The following RCL1 variants were observed in gnomAD, a reference collection of about 807,000 sequenced individuals.
RCL1 encodes the protein RNA 3'-terminal phosphate cyclase-like protein.
RCL1 carries 24 observed loss-of-function variants against 42.4 expected under a neutral mutation model. That is an observed-to-expected ratio of 0.57 (90% CI 0.41 to 0.80). The LOEUF is 0.80. Ranked by LOEUF, RCL1 falls within the 30% of genes least tolerant of loss-of-function variation. The pLI is 0.00. For missense variants in RCL1, 578 were observed against 467.9 expected (o/e 1.24, Z -2.17); for synonymous variants, 228 against 177.3 (o/e 1.29, Z -2.27).
At chr9:4,841,425 A>T in intron 6 of RCL1, 68 bp downstream of exon 6, 2 of 1,293,914 alleles carry the variant, frequency 1.5e-6, no homozygotes, top group Non-Finnish European at 1.1e-6. Flanking sequence ...TTGAAGTTAA[A>T]ACTGCCAGCT....
Position 4,844,600 on chromosome 9 carries a change from C to T in RCL1, c.786C>T (p.Asn262=). 6.2e-7 allele frequency: 1 copy of T among 1,613,982 alleles called. No homozygotes were observed. ...GTFLSAELAS[N]PQGQGAAVLP... ...TCCTCAGTGCTGAACTGGCCTCCAACCCCCAGGGCCAGGGAGCAGCAGTAC... is the reference window on the plus strand; with the variant it reads ...TCCTCAGTGCTGAACTGGCCTCCAATCCCCAGGGCCAGGGAGCAGCAGTAC... The change falls in exon 7 of 9, where the codon AAC becomes AAT. Residue 262 remains asparagine, a synonymous_variant. Transcript: ENST00000381750.
Position 4,793,151 on chromosome 9 carries a change from GGTCCT to G in RCL1, c.64_68del (p.Leu22TyrfsTer25). Reference sequence around the variant, plus strand: ...GGTGCAACTTCTTGCGCCAACGTCTGGTCCTGTCTACCCTGAGCGGGCGCCCCGTC... The same window carrying G: ...GGTGCAACTTCTTGCGCCAACGTCTGGTCTACCCTGAGCGGGCGCCCCGTC... On this transcript the variant is annotated frameshift_variant, in exon 1 of 9. Transcript: ENST00000381750. LOFTEE classifies it high-confidence loss of function. 1 of 1,612,478 alleles carries G rather than the reference GGTCCT, an allele frequency of 6.2e-7. No homozygotes were observed. Among genetic ancestry groups the G allele is most frequent in the Non-Finnish European group, 8.5e-7 (1 of 1,179,374 alleles).
At chr9:4,798,495 C>T (rs1318497820) in intron 1 of RCL1, among the ~76,000 whole-genome samples, 1 of 152,184 alleles carries the variant, frequency 6.6e-6, no homozygotes, top group Non-Finnish European at 1.5e-5. Context: ...CTCCATATGG[C>T]TTAAGCAGAT....
Position 4,857,285 on chromosome 9 carries a change from C to G in RCL1, c.972-2840C>G, listed in dbSNP as rs369349221. Among the ~76,000 whole-genome samples the G allele has an allele frequency of 6.6e-5, 10 of 152,280 alleles. No individual in the cohort carries two copies. The South Asian group carries it at 2.1e-3, about 32-fold the overall frequency. Reference sequence around the variant, plus strand: ...CCCACTCTCCCCAGCCCCAGGCAACCACGAATCTCCTTTCTGCCTCTGTGA... The same window carrying G: ...CCCACTCTCCCCAGCCCCAGGCAACGACGAATCTCCTTTCTGCCTCTGTGA... On this transcript the variant is annotated intron_variant, in intron 8 of 8. Coordinates refer to ENST00000381750, the MANE Select transcript of RCL1 (RefSeq NM_005772.5).
At chr9:4,844,719 G>C (rs759091121) in intron 7 of RCL1, 38 bp downstream of exon 7, 3 of 1,582,166 alleles carry the variant, frequency 1.9e-6, no homozygotes, top group South Asian at 2.3e-5. Context: ...GAGTGACCAG[G>C]AAGCAGTTTG....
intron 1 of RCL1, among the ~76,000 whole-genome samples, chr9:4,802,871 G>C (rs1843028651): frequency 6.6e-6 from 1 of 151,996 alleles, no homozygotes; most frequent in South Asian, 2.1e-4. Context: ...CACAGGCTGG[G>C]GTGCAGAGGT....
intron 8 of RCL1, among the ~76,000 whole-genome samples, chr9:4,859,105 C>T (rs1818068690): frequency 6.6e-6 from 1 of 152,140 alleles, no homozygotes; most frequent in African/African-American, 2.4e-5. Context: ...TATGGTCAGG[C>T]TAGCTGGGGT....
chr9:4,857,288 G>C (rs1180064611), intron 8 of RCL1, among the ~76,000 whole-genome samples: 2 of 152,086 alleles, frequency 1.3e-5, no homozygotes, highest in African/African-American at 4.8e-5. Flanking sequence ...AGGCAACCAC[G>C]AATCTCCTTT....
At chr9:4,800,202 C>T (rs921601441) in intron 1 of RCL1, among the ~76,000 whole-genome samples, 12 of 151,716 alleles carry the variant, frequency 7.9e-5, no homozygotes, top group African/African-American at 2.7e-4. Context: ...AATTTGTGGA[C>T]AGGTTTTTCT....
chr9:4,821,958 A>G (rs1816609965), intron 1 of RCL1, among the ~76,000 whole-genome samples: 1 of 152,250 alleles, frequency 6.6e-6, no homozygotes, highest in Non-Finnish European at 1.5e-5. Context: ...TAGAGAGAAC[A>G]TTCAAACCAT....
At chr9:4,818,695 G>C (rs569942332) in intron 1 of RCL1, among the ~76,000 whole-genome samples, 2 of 151,906 alleles carry the variant, frequency 1.3e-5, no homozygotes, top group South Asian at 4.2e-4. Flanking sequence ...ATCCTGTCCG[G>C]CATGGTGAAA....
rs369220911 is a variant in RCL1, at chr9:4,802,033, C to T, written c.136+8806C>T. ...CAGCGATTCTCCTGTCTCAGTCTCC[C>T]GAGCATCTGGGATTATAGGTGTGTG... On this transcript the variant is annotated intron_variant, in intron 1 of 8. Coordinates refer to ENST00000381750, the MANE Select transcript of RCL1 (RefSeq NM_005772.5). Among the ~76,000 whole-genome samples the T allele has an allele frequency of 6.0e-3, 906 of 151,662 alleles. 9 individuals are homozygous for T. The highest frequency in any genetic ancestry group is 7.8e-3 in the Non-Finnish European group (527 of 67,936).
intron 8 of RCL1, among the ~76,000 whole-genome samples, chr9:4,854,784 C>T (rs553730446): frequency 5.9e-5 from 9 of 152,178 alleles, no homozygotes; most frequent in East Asian, 3.9e-4. Context: ...AGGCCGGGTG[C>T]GGTGGCTCAC....
At chr9:4,839,983 G>C in intron 5 of RCL1, 1 of 786,488 alleles carries the variant, frequency 1.3e-6, no homozygotes, top group Non-Finnish European at 1.5e-6. Context: ...GTTTGGATGG[G>C]TGGAAGGAGT....
chr9:4,841,373 T>G lies in RCL1; in HGVS notation c.710+16T>G. The G allele has an allele frequency of 6.2e-7, 1 of 1,602,510 alleles. No homozygotes were observed. Among genetic ancestry groups the G allele is most frequent in the Non-Finnish European group, 8.5e-7 (1 of 1,170,114 alleles). ...ACTCTGGGAAGTAAGTATCTGTGTT[T>G]TTGAAGTCTGTTTCTGCAGCTTTTT... On this transcript the variant is annotated intron_variant, in intron 6 of 8. Transcript: ENST00000381750.
At chr9:4,806,075 T>TG in intron 1 of RCL1, among the ~76,000 whole-genome samples, 1 of 151,846 alleles carries the variant, frequency 6.6e-6, no homozygotes, top group South Asian at 2.1e-4. Context: ...TGTGTGTGTA[T>TG]GTTTATCTGG....
At chr9:4,827,779 T>TGTGTGTGA (rs535050124) in intron 3 of RCL1, among the ~76,000 whole-genome samples, 9 of 149,404 alleles carry the variant, frequency 6.0e-5, no homozygotes, top group East Asian at 2.0e-4. Context: ...TGTGTGTGTG[T>TGTGTGTGA]GAGAGAGAGA....
intron 8 of RCL1, among the ~76,000 whole-genome samples, chr9:4,856,090 T>C (rs917314039): frequency 2.0e-5 from 3 of 152,200 alleles, no homozygotes; most frequent in Non-Finnish European, 4.4e-5. Flanking sequence ...CCAATCTGTT[T>C]TCTCCTTCAG....
intron 3 of RCL1, among the ~76,000 whole-genome samples, chr9:4,829,762 A>G (rs1816889178): frequency 6.6e-6 from 1 of 152,126 alleles, no homozygotes. Context: ...TTGGTTGTTC[A>G]TGTTTGAAAC....
Sources: gnomAD v4.1 joint callset for allele counts (sites outside exome capture counted in the v4.1 genomes callset) on GRCh38, gnomAD v4.1.1 for gene constraint, MANE v1.5 for transcripts, NCBI Gene and HGNC (gene_info 2026-07-23, HGNC 2026-07-21) for gene names.